Variants in ARHGAP15 observed in about 807,000 individuals in gnomAD.
ARHGAP15 encodes rho GTPase-activating protein 15.
Under a neutral mutation model 63.7 loss-of-function variants are expected in ARHGAP15, and 51 were observed. That is an observed-to-expected ratio of 0.80 (90% CI 0.64 to 1.01). The LOEUF (loss-of-function observed/expected upper bound fraction) is 1.01. Among genes scored for constraint, ARHGAP15 ranks in the 50% least tolerant of loss-of-function variants. The pLI is 0.00. For missense variants in ARHGAP15, 560 were observed against 564.6 expected, an observed-to-expected ratio of 0.99 and a Z score of 0.08; for synonymous variants, 191 against 193.8, an observed-to-expected ratio of 0.99 and a Z score of 0.12.
chr2:143,396,710 C>G (rs1574388664), intron 6 of ARHGAP15, among the ~76,000 whole-genome samples: 1 of 151,686 alleles, frequency 6.6e-6, no homozygotes, highest in East Asian at 1.9e-4. Context: ...AAATAACTAT[C>G]CATTGGAATA....
At chr2:143,509,853 T>C (rs895683577) in intron 9 of ARHGAP15, among the ~76,000 whole-genome samples, 7 of 151,630 alleles carry the variant, frequency 4.6e-5, no homozygotes, top group Non-Finnish European at 7.4e-5. Flanking sequence ...AAACCCCATC[T>C]CAACTAAAAA....
chr2:143,399,760 C>G (rs900903637), intron 6 of ARHGAP15, among the ~76,000 whole-genome samples: 1 of 151,912 alleles, frequency 6.6e-6, no homozygotes, highest in Non-Finnish European at 1.5e-5. Context: ...CTGCCTAGGG[C>G]TTTTCTAGGA....
intron 12 of ARHGAP15, among the ~76,000 whole-genome samples, chr2:143,695,481 G>A (rs10173104): frequency 0.038 from 5,780 of 152,216 alleles, 387 homozygotes; most frequent in African/African-American, 0.13. Flanking sequence ...ACTGAGGAGT[G>A]CAAGTTTGGT....
intron 1 of ARHGAP15, among the ~76,000 whole-genome samples, chr2:143,149,554 A>G (rs960950654): frequency 6.6e-6 from 1 of 152,048 alleles, no homozygotes; most frequent in Non-Finnish European, 1.5e-5. Flanking sequence ...TGAGAAGAAG[A>G]TACAGGGCTT....
chr2:143,156,618 C>T (rs1690090387), intron 2 of ARHGAP15, among the ~76,000 whole-genome samples: 1 of 151,730 alleles, frequency 6.6e-6, no homozygotes, highest in African/African-American at 2.4e-5. Context: ...GTATTTATTC[C>T]CCATTTTTCA....
At chr2:143,546,995 T>C (rs532813808) in intron 10 of ARHGAP15, among the ~76,000 whole-genome samples, 12 of 152,270 alleles carry the variant, frequency 7.9e-5, no homozygotes, top group Admixed American at 3.9e-4. Context: ...CCAGAAATCA[T>C]TTCAATTCAT....
intron 6 of ARHGAP15, among the ~76,000 whole-genome samples, chr2:143,428,509 A>G (rs185540021): frequency 6.6e-6 from 1 of 151,980 alleles, no homozygotes; most frequent in African/African-American, 2.4e-5. Flanking sequence ...AAGGAAAAAC[A>G]TGGATGAGAC....
intron 12 of ARHGAP15, among the ~76,000 whole-genome samples, chr2:143,653,498 T>G (rs1366099465): frequency 5.3e-5 from 8 of 152,162 alleles, no homozygotes; most frequent in African/African-American, 1.9e-4. Context: ...ATTTCATCTA[T>G]TTTGCTAAAT....
intron 11 of ARHGAP15, among the ~76,000 whole-genome samples, chr2:143,568,440 A>T (rs1468986282): frequency 6.6e-6 from 1 of 152,232 alleles, no homozygotes; most frequent in African/African-American, 2.4e-5. Context: ...TCATCAGAGA[A>T]ATGCAAATAA....
intron 13 of ARHGAP15, among the ~76,000 whole-genome samples, chr2:143,722,182 C>T (rs954851763): frequency 6.6e-6 from 1 of 151,066 alleles, no homozygotes; most frequent in Non-Finnish European, 1.5e-5. Flanking sequence ...AACACACACA[C>T]ACACACACTC....
chr2:143,624,232 C>T lies in ARHGAP15; in HGVS notation c.1103C>T (p.Pro368Leu), dbSNP rs1465972282. 1.2e-6 allele frequency: 2 copies of T among 1,613,226 alleles called. No homozygotes were observed. The highest frequency in any genetic ancestry group is 4.5e-5 in the East Asian group (2 of 44,842). The change falls in exon 12 of 14, where the codon CCT becomes CTT. Residue 368 changes from proline to leucine, a missense_variant. Transcript: ENST00000295095. ...CGGGAGCTGCCTGAGCCGCTCTTCC[C>T]TTACAGTTTCTTTGAGCAGTTTGTG... ...FFRELPEPLF[P>L]YSFFEQFVEA...
chr2:143,555,262 C>T (rs1208131376), intron 10 of ARHGAP15, among the ~76,000 whole-genome samples: 1 of 152,018 alleles, frequency 6.6e-6, no homozygotes, highest in Admixed American at 6.6e-5. Flanking sequence ...TCATTTTATG[C>T]CAGTAAAGTG....
At chr2:143,243,410 A>G (rs1443401267) in intron 5 of ARHGAP15, among the ~76,000 whole-genome samples, 1 of 152,184 alleles carries the variant, frequency 6.6e-6, no homozygotes, top group Non-Finnish European at 1.5e-5. Flanking sequence ...GTCCAAAAGC[A>G]GTAACTCTTA....
At chr2:143,742,030 A>G (rs1276671412) in intron 13 of ARHGAP15, among the ~76,000 whole-genome samples, 2 of 152,218 alleles carry the variant, frequency 1.3e-5, no homozygotes, top group Non-Finnish European at 2.9e-5. Context: ...GGAGACAGTT[A>G]TCAGTTATCA....
At chr2:143,447,943 C>T (rs1690221632) in intron 8 of ARHGAP15, among the ~76,000 whole-genome samples, 1 of 152,094 alleles carries the variant, frequency 6.6e-6, no homozygotes, top group Non-Finnish European at 1.5e-5. Flanking sequence ...AAGATTTGAT[C>T]ACAGGTAATA....
intron 6 of ARHGAP15, among the ~76,000 whole-genome samples, chr2:143,325,994 G>A (rs1472738662): frequency 6.6e-6 from 1 of 152,070 alleles, no homozygotes; most frequent in Admixed American, 6.5e-5. Flanking sequence ...GCACTTTGTG[G>A]TGGTAAATTA....
chr2:143,547,584 G>C (rs961112027), intron 10 of ARHGAP15, among the ~76,000 whole-genome samples: 1 of 150,440 alleles, frequency 6.6e-6, no homozygotes, highest in Non-Finnish European at 1.5e-5. Context: ...AAAAAAATTG[G>C]TTAGATATTG....
intron 11 of ARHGAP15, among the ~76,000 whole-genome samples, chr2:143,576,178 A>G (rs1440393974): frequency 6.6e-6 from 1 of 152,168 alleles, no homozygotes. Flanking sequence ...ACAGCAGTGT[A>G]GGTGGATGCT....
At chr2:143,684,373 T>G (rs535070882) in intron 12 of ARHGAP15, among the ~76,000 whole-genome samples, 107 of 152,316 alleles carry the variant, frequency 7.0e-4, no homozygotes, top group African/African-American at 2.5e-3. Context: ...TCTGCTTTTT[T>G]GGGGTTTTAG....
Sources: allele counts gnomAD v4.1 joint callset (sites outside exome capture counted in the v4.1 genomes callset), GRCh38; gene constraint gnomAD v4.1.1; transcripts MANE v1.5; gene names NCBI Gene and HGNC (gene_info 2026-07-23, HGNC 2026-07-21).